The following FBXO25 variants were observed in gnomAD, a reference collection of about 807,000 sequenced individuals.
FBXO25 encodes F-box protein 25.
FBXO25 carries 45 observed loss-of-function variants against 51.9 expected under a neutral mutation model. The ratio of observed to expected loss-of-function variants is 0.87; its 90% CI spans 0.68 to 1.11. The LOEUF (loss-of-function observed/expected upper bound fraction) is 1.11. FBXO25 is among the 50% of genes most tolerant of loss of function. The pLI, the probability that FBXO25 is intolerant of heterozygous loss-of-function variation, is 0.00. For synonymous variants in FBXO25, 199 were observed against 151.0 expected, an observed-to-expected ratio of 1.32 and a Z score of -2.33; for missense variants, 507 against 428.5, an observed-to-expected ratio of 1.18 and a Z score of -1.62.
At chr8:447,895 C>A (rs907471562) in intron 5 of FBXO25, among the ~76,000 whole-genome samples, 1 of 152,090 alleles carries the variant, frequency 6.6e-6, no homozygotes, top group African/African-American at 2.4e-5. Context: ...CCAAGTGAGA[C>A]AGCAGGAGAC....
chr8:436,117 A>G (rs1207704128), intron 5 of FBXO25, among the ~76,000 whole-genome samples: 3 of 152,246 alleles, frequency 2.0e-5, no homozygotes, highest in Non-Finnish European at 2.9e-5. Flanking sequence ...CAGAGGAAGA[A>G]GTAGCTAATA....
At chr8:409,989 A>G (rs1340755412) in intron 1 of FBXO25, among the ~76,000 whole-genome samples, 1 of 152,090 alleles carries the variant, frequency 6.6e-6, no homozygotes, top group Non-Finnish European at 1.5e-5. Context: ...TGTGGCACAC[A>G]TTTTGCCCTT....
rs1223778806 is a variant in FBXO25 at position 463,205 on chromosome 8, C to T, written c.987+55C>T. The T allele has an allele frequency of 1.0e-5, 16 of 1,561,070 alleles. No individual in the cohort carries two copies. The Admixed American group carries it at 2.9e-4, about 29-fold the overall frequency. ...CAGGATTAAATTTTGGTGAAACAAA[C>T]TAATCACCTATATTTTAAGTATAAG... On this transcript the variant is annotated intron_variant, in intron 9 of 9. Coordinates refer to ENST00000350302, the MANE Select transcript of FBXO25 (RefSeq NM_183420.2).
At chr8:457,239 C>T (rs552271365) in intron 7 of FBXO25, among the ~76,000 whole-genome samples, 83 of 152,318 alleles carry the variant, frequency 5.4e-4, no homozygotes, top group African/African-American at 1.9e-3. Context: ...ACCCCACTGT[C>T]AGGAAGACGT....
intron 6 of FBXO25, 87 bp from the exon 7 acceptor site, chr8:451,182 A>C (rs1799063139): frequency 9.1e-7 from 1 of 1,101,788 alleles, no homozygotes; most frequent in Non-Finnish European, 1.3e-6. Flanking sequence ...TTCGTCTATC[A>C]GTGGACATTT....
At chr8:464,719 G>A (rs1243105729) in intron 9 of FBXO25, among the ~76,000 whole-genome samples, 1 of 152,224 alleles carries the variant, frequency 6.6e-6, no homozygotes, top group African/African-American at 2.4e-5. Flanking sequence ...TGGTTGAGCA[G>A]AGAATGTAAA....
chr8:435,097 C>T (rs1798024562), intron 4 of FBXO25, among the ~76,000 whole-genome samples: 1 of 152,170 alleles, frequency 6.6e-6, no homozygotes, highest in African/African-American at 2.4e-5. Flanking sequence ...AGCATACTTC[C>T]AGCCTGGGCA....
chr8:414,215 G>A (rs7002470), intron 2 of FBXO25, among the ~76,000 whole-genome samples: 115,477 of 152,038 alleles, frequency 0.76, 45,013 homozygotes, highest in African/African-American at 0.94. Flanking sequence ...TCTCTGCCAC[G>A]CTAAGATGTA....
intron 2 of FBXO25, among the ~76,000 whole-genome samples, chr8:414,301 T>A (rs1246748164): frequency 6.6e-6 from 1 of 152,270 alleles, no homozygotes; most frequent in Non-Finnish European, 1.5e-5. Context: ...TATACAGTTA[T>A]GAATTTTCTA....
intron 7 of FBXO25, among the ~76,000 whole-genome samples, chr8:454,898 G>GAA (rs1475853570): frequency 7.9e-6 from 1 of 126,956 alleles, no homozygotes; most frequent in African/African-American, 3.2e-5. Flanking sequence ...CTCAAAAAAA[G>GAA]AAAAAGAAAA....
At chr8:463,860 C>G (rs1799975266) in intron 9 of FBXO25, among the ~76,000 whole-genome samples, 1 of 152,202 alleles carries the variant, frequency 6.6e-6, no homozygotes, top group East Asian at 1.9e-4. Flanking sequence ...GTCACCCAGG[C>G]TGGAGTGCAG....
At chr8:437,812 G>A (rs1402817010) in intron 5 of FBXO25, among the ~76,000 whole-genome samples, 1 of 149,786 alleles carries the variant, frequency 6.7e-6, no homozygotes, top group Non-Finnish European at 1.5e-5. Flanking sequence ...TTTTTTTGCT[G>A]TTTTAAATGT....
chr8:440,503 C>T (rs1298209074), intron 5 of FBXO25, among the ~76,000 whole-genome samples: 9 of 152,216 alleles, frequency 5.9e-5, no homozygotes, highest in South Asian at 2.1e-4. Flanking sequence ...TTTTTCATTA[C>T]GACTTTATTT....
chr8:457,768 C>T (rs989821452), intron 7 of FBXO25, among the ~76,000 whole-genome samples: 1 of 152,180 alleles, frequency 6.6e-6, no homozygotes, highest in Non-Finnish European at 1.5e-5. Flanking sequence ...CATACAAGCA[C>T]AGAACACCAC....
chr8:462,484 T>G (rs181511883), intron 8 of FBXO25, among the ~76,000 whole-genome samples: 1 of 152,236 alleles, frequency 6.6e-6, no homozygotes, highest in East Asian at 1.9e-4. Context: ...AGCTGCTTGG[T>G]ATTCCATTAT....
rs1800669406 is a variant in FBXO25 at position 477,116 on chromosome 8, T to TTCTAGTTTCA, written c.*8315_*8324dup. 6.6e-6 allele frequency: 1 copy of TTCTAGTTTCA among 152,236 alleles called. No individual in the cohort carries two copies. Among genetic ancestry groups the TTCTAGTTTCA allele is most frequent in the Non-Finnish European group, 1.5e-5 (1 of 68,042 alleles). The allele number at this position is 152,236 out of a possible 1,614,324, so 9.4% of individuals were successfully genotyped here. Reference sequence around the variant, plus strand: ...TTTCAGTTTTTTGTCTGTTACTGATTTCTAGTTTCATCCCACTGTGGCCAG... The same window carrying TTCTAGTTTCA: ...TTTCAGTTTTTTGTCTGTTACTGATTTCTAGTTTCATCTAGTTTCATCCCACTGTGGCCAG... On this transcript the variant is annotated 3_prime_UTR_variant, in exon 10 of 10. Coordinates refer to ENST00000350302, the MANE Select transcript of FBXO25 (RefSeq NM_183420.2).
chr8:463,631 A>G (rs1799959341), intron 9 of FBXO25, among the ~76,000 whole-genome samples: 1 of 152,256 alleles, frequency 6.6e-6, no homozygotes, highest in South Asian at 2.1e-4. Context: ...AAGTGTCCAT[A>G]GAGAAGTCCT....
chr8:435,163 A>T (rs911674139), intron 4 of FBXO25, among the ~76,000 whole-genome samples: 1 of 152,188 alleles, frequency 6.6e-6, no homozygotes, highest in Non-Finnish European at 1.5e-5. Context: ...CGGGCAGTGC[A>T]TGCCTCCCCT....
intron 5 of FBXO25, among the ~76,000 whole-genome samples, chr8:438,782 C>G (rs1386869212): frequency 6.6e-6 from 1 of 152,160 alleles, no homozygotes; most frequent in East Asian, 1.9e-4. Flanking sequence ...TCTTCTTTGC[C>G]AGTGATCACA....
Sources: gnomAD v4.1 joint callset for allele counts (sites outside exome capture counted in the v4.1 genomes callset) on GRCh38, gnomAD v4.1.1 for gene constraint, MANE v1.5 for transcripts, NCBI Gene and HGNC (gene_info 2026-07-23, HGNC 2026-07-21) for gene names.